Variants in TM9SF3 observed in about 807,000 individuals in gnomAD.
TM9SF3 encodes the protein SM-11044-binding protein.
TM9SF3 carries 14 observed loss-of-function variants against 78.6 expected under a neutral mutation model. That is an observed-to-expected ratio of 0.18 (90% CI 0.12 to 0.28). The LOEUF (loss-of-function observed/expected upper bound fraction) is 0.28, where lower values mean the gene tolerates loss of function less well. Ranked by LOEUF, TM9SF3 falls within the 10% of genes least tolerant of loss-of-function variation. The pLI is 1.00. For missense variants in TM9SF3, 496 were observed against 721.9 expected, an observed-to-expected ratio of 0.69 and a Z score of 3.59; for synonymous variants, 231 against 241.7, an observed-to-expected ratio of 0.96 and a Z score of 0.41.
chr10:96,528,203 G>T, intron 11 of TM9SF3, 26 bp from the exon 12 acceptor site: 2 of 1,592,184 alleles, frequency 1.3e-6, no homozygotes, highest in South Asian at 1.1e-5. Context: ...AAAGACACAG[G>T]TTTCCAGTCT....
At chr10:96,570,870 C>T (rs1380642581) in intron 2 of TM9SF3, among the ~76,000 whole-genome samples, 3 of 152,086 alleles carry the variant, frequency 2.0e-5, no homozygotes, top group Non-Finnish European at 4.4e-5. Context: ...CTCGGCTTCC[C>T]GGGTAGCTGG....
chr10:96,548,753 G>T (rs1036705870), intron 7 of TM9SF3, among the ~76,000 whole-genome samples: 1 of 139,696 alleles, frequency 7.2e-6, no homozygotes, highest in African/African-American at 2.7e-5. Context: ...AGCCAAGAAC[G>T]CGTCACTGCA....
intron 9 of TM9SF3, among the ~76,000 whole-genome samples, chr10:96,539,073 T>C (rs1349777671): frequency 6.6e-6 from 1 of 152,196 alleles, no homozygotes; most frequent in Non-Finnish European, 1.5e-5. Flanking sequence ...AGTAACTTGA[T>C]TTACAATAGC....
chr10:96,537,931 C>G (rs1847979476), intron 9 of TM9SF3, among the ~76,000 whole-genome samples: 1 of 152,126 alleles, frequency 6.6e-6, no homozygotes. Flanking sequence ...GCTCATTAAT[C>G]AAAAGACTCA....
chr10:96,552,791 ATCTTTCT>A, intron 6 of TM9SF3, 130 bp downstream of exon 6: 2 of 801,376 alleles, frequency 2.5e-6, no homozygotes, highest in African/African-American at 1.8e-5. Flanking sequence ...GGCATTTTAC[ATCTTTCT>A]TAACTCTAAA....
rs188969772 is a variant in TM9SF3 at position 96,573,994 on chromosome 10, C to T, written c.298+2640G>A. On this transcript the variant is annotated intron_variant, in intron 2 of 14. Transcript: ENST00000371142. Reference sequence around the variant, plus strand: ...ATCCTAGAAGAAAACCTAGGCAATACCATTAAGGACATAGGCATGGGCAGA... The same window carrying T: ...ATCCTAGAAGAAAACCTAGGCAATATCATTAAGGACATAGGCATGGGCAGA... Among the ~76,000 whole-genome samples, 104 of 152,274 alleles carry T rather than the reference C, an allele frequency of 6.8e-4. 1 individual carries two copies. The highest frequency in any genetic ancestry group is 3.4e-3 in the Middle Eastern group (1 of 294).
rs1369076995 is a variant in TM9SF3 at position 96,521,643 on chromosome 10, CTAAGA to C, written c.*615_*619del. On this transcript the variant is annotated 3_prime_UTR_variant, in exon 15 of 15. Transcript: ENST00000371142. ...ATAAATAAATGGGAAGTTGGTCCAA[CTAAGA>C]TGACAGCAGATATATTACATGCAGG... is the stretch of plus-strand genomic sequence containing the variant. 1 of 151,790 alleles carries C rather than the reference CTAAGA, an allele frequency of 6.6e-6. No individual in the cohort carries two copies. The highest frequency in any genetic ancestry group is 2.4e-5 in the African/African-American group (1 of 41,232). 9.4% of individuals were successfully genotyped at this position (151,790 alleles called of 1,614,324 possible). A position where few individuals can be genotyped will look rare whatever the true frequency, so the allele number is the denominator to read the frequency against.
chr10:96,577,904 C>T (rs1375546077), intron 1 of TM9SF3, among the ~76,000 whole-genome samples: 1 of 152,058 alleles, frequency 6.6e-6, no homozygotes, highest in Non-Finnish European at 1.5e-5. Flanking sequence ...ATCTCCAGTC[C>T]TCCATCTAAA....
chr10:96,584,758 G>A (rs1262020510), intron 1 of TM9SF3, among the ~76,000 whole-genome samples: 1 of 152,176 alleles, frequency 6.6e-6, no homozygotes, highest in Non-Finnish European at 1.5e-5. Flanking sequence ...TTGCAGTGAT[G>A]TGAGACAGCA....
rs1158453753 is a variant in TM9SF3, at chr10:96,544,213, AGAAAG to A, written c.1055-12_1055-8del. On this transcript the variant is annotated splice_polypyrimidine_tract_variant and splice_region_variant and intron_variant, in intron 8 of 14. Transcript: ENST00000371142. ...TGCTTTATCCATCTCCTTCCTGAAAAGAAAGGAAACTATGAAAGTTTAATATAATT... is the reference window on the plus strand; with the variant it reads ...TGCTTTATCCATCTCCTTCCTGAAAAGAAACTATGAAAGTTTAATATAATT... 3 of 1,565,236 alleles carry A rather than the reference AGAAAG, an allele frequency of 1.9e-6. No individual in the cohort carries two copies. The highest frequency in any genetic ancestry group is 1.7e-6 in the Non-Finnish European group (2 of 1,162,566).
At chr10:96,578,534 A>G (rs752062393) in intron 1 of TM9SF3, among the ~76,000 whole-genome samples, 1 of 152,246 alleles carries the variant, frequency 6.6e-6, no homozygotes, top group Non-Finnish European at 1.5e-5. Flanking sequence ...TAATCTTCAC[A>G]TAGGAAGTAA....
intron 2 of TM9SF3, among the ~76,000 whole-genome samples, chr10:96,569,818 G>T (rs1038882892): frequency 6.6e-6 from 1 of 152,172 alleles, no homozygotes; most frequent in African/African-American, 2.4e-5. Context: ...CAGATCACGA[G>T]GTCAGGAGAT....
intron 3 of TM9SF3, among the ~76,000 whole-genome samples, chr10:96,563,861 A>G (rs927261092): frequency 4.0e-5 from 6 of 151,416 alleles, no homozygotes; most frequent in Non-Finnish European, 7.4e-5. Context: ...AGGATTCTCC[A>G]TGGTTCAGAC....
chr10:96,532,914 A>C, intron 10 of TM9SF3, 137 bp downstream of exon 10: 1 of 1,074,576 alleles, frequency 9.3e-7, no homozygotes, highest in East Asian at 2.5e-5. Context: ...GGAAATAGTA[A>C]AATGAACTTC....
At chr10:96,561,114 A>G (rs1319424352) in intron 4 of TM9SF3, among the ~76,000 whole-genome samples, 2 of 152,130 alleles carry the variant, frequency 1.3e-5, no homozygotes, top group African/African-American at 4.8e-5. Flanking sequence ...TGGTTCCCTA[A>G]AGCAGTTTCT....
chr10:96,553,746 T>C (rs1224989436), intron 5 of TM9SF3, among the ~76,000 whole-genome samples: 1 of 152,218 alleles, frequency 6.6e-6, no homozygotes, highest in Non-Finnish European at 1.5e-5. Flanking sequence ...TCCTCAATGT[T>C]CTTGAAGCTC....
At chr10:96,552,501 T>A (rs989206233) in intron 6 of TM9SF3, among the ~76,000 whole-genome samples, 2 of 152,228 alleles carry the variant, frequency 1.3e-5, no homozygotes, top group Non-Finnish European at 2.9e-5. Flanking sequence ...TAGCACTCTA[T>A]GTAACACACT....
Position 96,544,169 on chromosome 10 carries a change from G to A in TM9SF3, c.1092C>T (p.Phe364=). 2 of 1,611,720 alleles carry A rather than the reference G, an allele frequency of 1.2e-6. No homozygotes were observed. Among genetic ancestry groups the A allele is most frequent in the Non-Finnish European group, 1.7e-6 (2 of 1,178,776 alleles). The change falls in exon 9 of 15, where the codon TTC becomes TTT. Residue 364 remains phenylalanine (F), a synonymous_variant. Transcript: ENST00000371142. The stretch of plus-strand genomic sequence containing the variant: ...TGCCACACACCATAGCTGGGATAAG[G>A]AATGCCCCAATAAACATCTGCTTTA... ...RWIKQMFIGA[F]LIPAMVCGTA...
At chr10:96,534,828 A>G (rs1847937076) in intron 9 of TM9SF3, among the ~76,000 whole-genome samples, 2 of 152,212 alleles carry the variant, frequency 1.3e-5, no homozygotes, top group Admixed American at 6.5e-5. Context: ...TGGAGATATC[A>G]CAGCCAGGTT....
Sources: allele counts gnomAD v4.1 joint callset (sites outside exome capture counted in the v4.1 genomes callset), GRCh38; gene constraint gnomAD v4.1.1; transcripts MANE v1.5; gene names NCBI Gene and HGNC (gene_info 2026-07-23, HGNC 2026-07-21).